GPHN: variants seen among roughly 807,000 people sequenced by gnomAD.
GPHN encodes gephyrin.
GPHN carries 17 observed loss-of-function variants against 95.5 expected under a neutral mutation model. The observed-to-expected ratio is 0.18, with a 90% CI of 0.12 to 0.27. The LOEUF (loss-of-function observed/expected upper bound fraction) is 0.27, where lower values mean the gene tolerates loss of function less well. GPHN is among the 10% of genes least tolerant of loss of function. GPHN has a pLI of 1.00. For synonymous variants in GPHN, 320 were observed against 322.5 expected (o/e 0.99, Z 0.08); for missense variants, 660 against 978.1 (o/e 0.67, Z 4.34).
the GPHN span, among the ~76,000 whole-genome samples, chr14:67,250,558 A>T: frequency 6.6e-6 from 1 of 152,176 alleles, no homozygotes; most frequent in African/African-American, 2.4e-5. Context: ...TTGTTTTGTG[A>T]TTCTGATAGT....
the GPHN span, chr14:67,613,152 A>T: frequency 6.6e-6 from 1 of 151,674 alleles, no homozygotes; most frequent in African/African-American, 2.4e-5. Flanking sequence ...TTTCACTGGG[A>T]GTGGCTGTGC....
chr14:66,725,132 A>G (rs977366116), intron 2 of GPHN, among the ~76,000 whole-genome samples: 3 of 152,218 alleles, frequency 2.0e-5, no homozygotes, highest in African/African-American at 4.8e-5. Context: ...CAACACTGCA[A>G]GAAGATGGCT....
At chr14:67,602,257 C>T in the GPHN span, among the ~76,000 whole-genome samples, 1 of 152,152 alleles carries the variant, frequency 6.6e-6, no homozygotes, top group African/African-American at 2.4e-5. Flanking sequence ...GGAAGTGCCA[C>T]ATTTTTAAAC....
chr14:67,479,311 CAGA>C, the GPHN span, among the ~76,000 whole-genome samples: 1 of 150,254 alleles, frequency 6.7e-6, no homozygotes, highest in Non-Finnish European at 1.5e-5. Flanking sequence ...GAGGCTGAGG[CAGA>C]AGAATTGCTT....
At chr14:66,916,502 G>GTTTTTTT in intron 6 of GPHN, among the ~76,000 whole-genome samples, 1 of 128,326 alleles carries the variant, frequency 7.8e-6, no homozygotes, top group Non-Finnish European at 1.7e-5. Context: ...TTTTGGTTTG[G>GTTTTTTT]TTTTTTTTTT....
chr14:67,434,770 C>T, the GPHN span, among the ~76,000 whole-genome samples: 5 of 152,026 alleles, frequency 3.3e-5, no homozygotes, highest in African/African-American at 4.8e-5. Flanking sequence ...ATATCTGAAA[C>T]GGGGTAATTT....
At chr14:67,306,118 T>C in the GPHN span, among the ~76,000 whole-genome samples, 33 of 152,144 alleles carry the variant, frequency 2.2e-4, no homozygotes, top group South Asian at 4.1e-4. Context: ...TACAAGTGCA[T>C]GCCACCACAT....
At chr14:67,145,113 A>G (rs543722680) in intron 18 of GPHN, among the ~76,000 whole-genome samples, 1 of 152,326 alleles carries the variant, frequency 6.6e-6, no homozygotes, top group African/African-American at 2.4e-5. Context: ...TGCCTGTGGT[A>G]CTCTCAATAT....
At chr14:67,478,924 T>C in the GPHN span, among the ~76,000 whole-genome samples, 1,405 of 152,276 alleles carry the variant, frequency 9.2e-3, 30 homozygotes, top group African/African-American at 0.033. Context: ...AAAAGCAGGA[T>C]TCAAAACTGA....
At chr14:67,520,534 G>A in the GPHN span, among the ~76,000 whole-genome samples, 1 of 152,142 alleles carries the variant, frequency 6.6e-6, no homozygotes, top group African/African-American at 2.4e-5. Flanking sequence ...TTTCAGCATT[G>A]AATAATATTC....
intron 13 of GPHN, among the ~76,000 whole-genome samples, chr14:67,102,094 G>A (rs1351929084): frequency 1.3e-5 from 2 of 151,562 alleles, no homozygotes; most frequent in African/African-American, 4.8e-5. Context: ...GGATGGTCTC[G>A]ATCTCCTGAC....
At chr14:67,257,961 A>G in the GPHN span, among the ~76,000 whole-genome samples, 3 of 152,126 alleles carry the variant, frequency 2.0e-5, no homozygotes, top group Non-Finnish European at 2.9e-5. Context: ...GGTAGTGAAT[A>G]TTTGCATCAT....
At chr14:67,037,600 C>CA (rs1049464737) in intron 10 of GPHN, among the ~76,000 whole-genome samples, 11 of 151,068 alleles carry the variant, frequency 7.3e-5, no homozygotes, top group East Asian at 1.9e-4. Context: ...AACTCAGCAA[C>CA]AAAAAAAATC....
chr14:66,776,380 C>A, intron 2 of GPHN, 84 bp from the exon 3 acceptor site: 3 of 839,426 alleles, frequency 3.6e-6, no homozygotes, highest in Non-Finnish European at 4.2e-6. Flanking sequence ...TTATTGGTAG[C>A]ATTCTGATGG....
the GPHN span, among the ~76,000 whole-genome samples, chr14:67,517,657 C>T: frequency 6.6e-6 from 1 of 152,156 alleles, no homozygotes; most frequent in African/African-American, 2.4e-5. Context: ...ACTCCATGAC[C>T]TGGGTTTTCC....
intron 9 of GPHN, among the ~76,000 whole-genome samples, chr14:67,012,084 C>T (rs941638105): frequency 6.6e-6 from 1 of 152,146 alleles, no homozygotes; most frequent in East Asian, 1.9e-4. Context: ...CCAAATGAAA[C>T]TTCATATACT....
chr14:67,219,737 A>T, the GPHN span, among the ~76,000 whole-genome samples: 1 of 152,196 alleles, frequency 6.6e-6, no homozygotes, highest in Admixed American at 6.5e-5. Flanking sequence ...GAGAATTAAC[A>T]AATCTCAAAT....
chr14:67,529,800 G>T, the GPHN span, among the ~76,000 whole-genome samples: 3 of 152,134 alleles, frequency 2.0e-5, no homozygotes, highest in African/African-American at 7.2e-5. Flanking sequence ...TGACTTCTTT[G>T]TGACCCAAGG....
the GPHN span, among the ~76,000 whole-genome samples, chr14:67,401,957 C>G: frequency 1.3e-5 from 2 of 152,096 alleles, no homozygotes; most frequent in African/African-American, 4.8e-5. Flanking sequence ...ATGGTGAAAC[C>G]CTGTCTCTGC....
Sources: allele counts gnomAD v4.1 joint callset (sites outside exome capture counted in the v4.1 genomes callset), GRCh38; gene constraint gnomAD v4.1.1; transcripts MANE v1.5; gene names NCBI Gene and HGNC (gene_info 2026-07-23, HGNC 2026-07-21).